BMPR2: variants seen among roughly 807,000 people sequenced by gnomAD.
BMPR2 encodes bone morphogenetic protein receptor type 2, also known as bone morphogenetic protein receptor type-2.
A neutral mutation model predicts 100.8 loss-of-function variants in BMPR2; 29 were observed. That is an observed-to-expected ratio of 0.29 (90% CI 0.21 to 0.39). The LOEUF is 0.39. BMPR2 is among the 10% of genes least tolerant of loss of function. BMPR2 has a pLI of 1.00. For synonymous variants in BMPR2, 382 were observed against 442.3 expected (o/e 0.86, Z 1.71); for missense variants, 1,011 against 1,274.5 (o/e 0.79, Z 3.15).
At chr2:202,409,608 C>T (rs1291922579) in intron 1 of BMPR2, among the ~76,000 whole-genome samples, 1 of 152,034 alleles carries the variant, frequency 6.6e-6, no homozygotes, top group Admixed American at 6.6e-5. Context: ...CCGAAACAAA[C>T]GAATCATGCA....
At chr2:202,475,244 A>T (rs997230498) in intron 3 of BMPR2, 1 of 151,438 alleles carries the variant, frequency 6.6e-6, no homozygotes, top group Non-Finnish European at 1.5e-5. Flanking sequence ...AGTTTGGCCA[A>T]GCTGGTCTCG....
At chr2:202,534,312 G>C (rs1160325715) in intron 9 of BMPR2, among the ~76,000 whole-genome samples, 1 of 150,708 alleles carries the variant, frequency 6.6e-6, no homozygotes, top group African/African-American at 2.4e-5. Flanking sequence ...CACAGAGGGG[G>C]ATTTGGCTGG....
intron 1 of BMPR2, among the ~76,000 whole-genome samples, chr2:202,427,153 C>A (rs1312755196): frequency 6.6e-6 from 1 of 152,006 alleles, no homozygotes; most frequent in Non-Finnish European, 1.5e-5. Flanking sequence ...GAGTTCGAGA[C>A]AAACCTGCCA....
chr2:202,557,323 G>A (rs1442556683), intron 12 of BMPR2, among the ~76,000 whole-genome samples: 4 of 152,124 alleles, frequency 2.6e-5, no homozygotes, highest in African/African-American at 4.8e-5. Context: ...AATTAGCCGC[G>A]TGTGGTGGTG....
At chr2:202,397,282 G>C (rs532878223) in intron 1 of BMPR2, among the ~76,000 whole-genome samples, 1 of 152,262 alleles carries the variant, frequency 6.6e-6, no homozygotes, top group South Asian at 2.1e-4. Context: ...TGAAACTATA[G>C]TGATTGTAAA....
At chr2:202,551,298 C>T (rs1688473005) in intron 10 of BMPR2, among the ~76,000 whole-genome samples, 2 of 149,832 alleles carry the variant, frequency 1.3e-5, no homozygotes, top group Admixed American at 6.7e-5. Context: ...AGGTGGATCA[C>T]GAGGTCAGGA....
At chr2:202,518,790 T>C (rs376442685) in intron 5 of BMPR2, 32 bp from the exon 6 acceptor site, 96 of 1,549,426 alleles carry the variant, frequency 6.2e-5, no homozygotes, top group Non-Finnish European at 8.1e-5. Context: ...AATTGTGATA[T>C]TAATACCTTG....
At chr2:202,389,392 T>C (rs1480891952) in intron 1 of BMPR2, among the ~76,000 whole-genome samples, 1 of 148,322 alleles carries the variant, frequency 6.7e-6, no homozygotes, top group Non-Finnish European at 1.5e-5. Flanking sequence ...CTTGGCGTGG[T>C]GGCATGCGCT....
chr2:202,477,883 AGT>A (rs1692582523), intron 3 of BMPR2, among the ~76,000 whole-genome samples: 1 of 152,184 alleles, frequency 6.6e-6, no homozygotes, highest in Non-Finnish European at 1.5e-5. Flanking sequence ...TATTTGTAAA[AGT>A]GTTTAGCAAT....
At chr2:202,449,133 A>T (rs185601242) in intron 1 of BMPR2, among the ~76,000 whole-genome samples, 1 of 151,054 alleles carries the variant, frequency 6.6e-6, no homozygotes, top group African/African-American at 2.4e-5. Context: ...ACATGGAGAA[A>T]CCCTGTCTCT....
At chr2:202,435,376 C>CATATATATATAT (rs141854934) in intron 1 of BMPR2, among the ~76,000 whole-genome samples, 2,513 of 103,182 alleles carry the variant, frequency 0.024, 58 homozygotes, top group Non-Finnish European at 0.031. Flanking sequence ...AAAAAAAATA[C>CATATATATATAT]ATATATATAT....
chr2:202,444,654 A>G (rs753828093), intron 1 of BMPR2, among the ~76,000 whole-genome samples: 3 of 150,942 alleles, frequency 2.0e-5, no homozygotes, highest in Non-Finnish European at 4.4e-5. Flanking sequence ...TCTATGTAAT[A>G]TTGGATGGAA....
intron 1 of BMPR2, among the ~76,000 whole-genome samples, chr2:202,432,591 A>C (rs1430805657): frequency 1.3e-5 from 2 of 150,716 alleles, no homozygotes; most frequent in African/African-American, 2.5e-5. Context: ...GTAAGTTAGC[A>C]TAAATAATAA....
At chr2:202,470,431 G>A (rs1692412462) in intron 3 of BMPR2, among the ~76,000 whole-genome samples, 1 of 152,090 alleles carries the variant, frequency 6.6e-6, no homozygotes. Flanking sequence ...AGATAAGCCT[G>A]GGACATCTTG....
intron 1 of BMPR2, among the ~76,000 whole-genome samples, chr2:202,392,750 T>G (rs1488707484): frequency 6.6e-6 from 1 of 151,948 alleles, no homozygotes; most frequent in African/African-American, 2.4e-5. Flanking sequence ...CTCAGCATTT[T>G]GGGAGGCCGA....
intron 7 of BMPR2, 128 bp downstream of exon 7, chr2:202,520,329 G>A: frequency 6.7e-6 from 5 of 749,094 alleles, no homozygotes; most frequent in Non-Finnish European, 1.1e-5. Context: ...TCAGTTGTTT[G>A]AAAGATTCAG....
chr2:202,391,165 A>G (rs1293331265), intron 1 of BMPR2, among the ~76,000 whole-genome samples: 4 of 151,346 alleles, frequency 2.6e-5, no homozygotes, highest in Non-Finnish European at 5.9e-5. Context: ...TAGTAGAGAC[A>G]GGGTTTCTCC....
chr2:202,383,488 C>A (rs1301623659), intron 1 of BMPR2, among the ~76,000 whole-genome samples: 10 of 152,114 alleles, frequency 6.6e-5, no homozygotes, highest in Admixed American at 6.6e-4. Flanking sequence ...CGAGACCAAC[C>A]CGGCCAACGT....
intron 1 of BMPR2, among the ~76,000 whole-genome samples, chr2:202,391,712 A>AG (rs1690552943): frequency 6.6e-6 from 1 of 150,664 alleles, no homozygotes; most frequent in Non-Finnish European, 1.5e-5. Flanking sequence ...CAGCCCCCCG[A>AG]GTAGCTGGGA....
Sources: gnomAD v4.1 joint callset for allele counts (sites outside exome capture counted in the v4.1 genomes callset) on GRCh38, gnomAD v4.1.1 for gene constraint, MANE v1.5 for transcripts, NCBI Gene and HGNC (gene_info 2026-07-23, HGNC 2026-07-21) for gene names.